Variants in CYP2C19 observed in about 807,000 individuals in gnomAD.
CYP2C19 encodes the protein cytochrome P450 2C19.
Under a neutral mutation model 40.9 loss-of-function variants are expected in CYP2C19, and 59 were observed. The observed-to-expected ratio is 1.44, with a 90% CI of 1.17 to 1.79. The LOEUF (loss-of-function observed/expected upper bound fraction) is 1.79, where lower values mean the gene tolerates loss of function less well. Among genes scored for constraint, CYP2C19 ranks in the 40% most tolerant of loss-of-function variants. CYP2C19 has a pLI of 0.00. For missense variants in CYP2C19, 754 were observed against 596.9 expected (o/e 1.26, Z -2.74); for synonymous variants, 253 against 208.7 (o/e 1.21, Z -1.83).
chr10:94,774,363 G>A (rs1848376129), intron 1 of CYP2C19: 4 of 152,214 alleles, frequency 2.6e-5, no homozygotes, highest in African/African-American at 9.7e-5. Flanking sequence ...AATTGAGCTT[G>A]TTATGATTAT....
chr10:94,788,392 A>G (rs1848569718), intron 5 of CYP2C19, among the ~76,000 whole-genome samples: 1 of 152,000 alleles, frequency 6.6e-6, no homozygotes, highest in African/African-American at 2.4e-5. Context: ...AAGGATGGGT[A>G]TTTTTTAAAA....
intron 5 of CYP2C19, among the ~76,000 whole-genome samples, chr10:94,804,604 T>C (rs1848808804): frequency 6.6e-6 from 1 of 152,176 alleles, no homozygotes; most frequent in Non-Finnish European, 1.5e-5. Flanking sequence ...GTGCTCTCCC[T>C]TGACCTGGGT....
chr10:94,811,875 A>C (rs910766775), intron 5 of CYP2C19, among the ~76,000 whole-genome samples: 5 of 152,042 alleles, frequency 3.3e-5, no homozygotes, highest in African/African-American at 1.2e-4. Flanking sequence ...GCCTGTTTAC[A>C]TTTAAGGTTA....
intron 6 of CYP2C19, among the ~76,000 whole-genome samples, chr10:94,831,648 G>T (rs984444667): frequency 1.3e-5 from 2 of 152,146 alleles, no homozygotes; most frequent in Admixed American, 6.5e-5. Flanking sequence ...TTTCTCTGAT[G>T]ATCAGTGGTG....
At chr10:94,808,875 T>A (rs974521225) in intron 5 of CYP2C19, among the ~76,000 whole-genome samples, 1 of 152,198 alleles carries the variant, frequency 6.6e-6, no homozygotes, top group African/African-American at 2.4e-5. Flanking sequence ...TTAGCTATTA[T>A]AAACAGTGCT....
intron 8 of CYP2C19, 45 bp from the exon 9 acceptor site, chr10:94,852,688 A>C: frequency 6.3e-7 from 1 of 1,592,848 alleles, no homozygotes; most frequent in Non-Finnish European, 8.6e-7. Flanking sequence ...TCACTCTCAC[A>C]GTTACACATG....
intron 5 of CYP2C19, among the ~76,000 whole-genome samples, chr10:94,786,507 A>G (rs947088441): frequency 2.0e-5 from 3 of 152,080 alleles, no homozygotes; most frequent in African/African-American, 7.2e-5. Flanking sequence ...TTAAAATGAT[A>G]CCATATGAAA....
chr10:94,811,421 A>C (rs1848921517), intron 5 of CYP2C19, among the ~76,000 whole-genome samples: 1 of 152,040 alleles, frequency 6.6e-6, no homozygotes, highest in Non-Finnish European at 1.5e-5. Flanking sequence ...GCTTAGTTCA[A>C]GTCCTGGAGA....
At chr10:94,809,516 AT>A (rs1848883242) in intron 5 of CYP2C19, among the ~76,000 whole-genome samples, 1 of 152,086 alleles carries the variant, frequency 6.6e-6, no homozygotes, top group South Asian at 2.1e-4. Context: ...AACAGACAAA[AT>A]TTGATTTTCT....
intron 6 of CYP2C19, among the ~76,000 whole-genome samples, chr10:94,828,884 G>C (rs1849277769): frequency 6.6e-6 from 1 of 152,038 alleles, no homozygotes; most frequent in African/African-American, 2.4e-5. Context: ...CTCAGCATTT[G>C]CTTGTCTGTA....
At chr10:94,816,135 A>T (rs1389447566) in intron 5 of CYP2C19, among the ~76,000 whole-genome samples, 1 of 152,140 alleles carries the variant, frequency 6.6e-6, no homozygotes, top group Admixed American at 6.5e-5. Flanking sequence ...AGCTAACTGC[A>T]GAGTCTGACA....
Position 94,853,129 on chromosome 10 carries a change from A to G in CYP2C19, c.*215A>G, listed in dbSNP as rs1849680506. The G allele has an allele frequency of 3.5e-6, 2 of 564,982 alleles. No homozygotes were observed. The highest frequency in any genetic ancestry group is 3.0e-5 in the East Asian group (1 of 33,492). The allele number at this position is 564,982 out of a possible 1,614,324, so 35.0% of individuals were successfully genotyped here. A position where few individuals can be genotyped will look rare whatever the true frequency, so the allele number is the denominator to read the frequency against. On this transcript the variant is annotated 3_prime_UTR_variant, in exon 9 of 9. Transcript: ENST00000371321. ...CTATAATAGTTACATTGAGTGCCACATAATGCTGATACTTGTCTAATGTTG... is the reference window on the plus strand; with the variant it reads ...CTATAATAGTTACATTGAGTGCCACGTAATGCTGATACTTGTCTAATGTTG...
At chr10:94,770,327 C>T (rs1417935243) in intron 1 of CYP2C19, among the ~76,000 whole-genome samples, 2 of 152,128 alleles carry the variant, frequency 1.3e-5, no homozygotes, top group Non-Finnish European at 2.9e-5. Context: ...GCTTGTTTCT[C>T]ATTGGACAAT....
intron 6 of CYP2C19, among the ~76,000 whole-genome samples, chr10:94,824,872 G>A (rs532000051): frequency 1.4e-5 from 2 of 143,908 alleles, no homozygotes; most frequent in African/African-American, 5.2e-5. Context: ...TGATCTCATT[G>A]TTCAATTCCC....
At chr10:94,774,263 G>A (rs1848374493) in intron 1 of CYP2C19, 1 of 152,088 alleles carries the variant, frequency 6.6e-6, no homozygotes, top group African/African-American at 2.4e-5. Context: ...AACTTCAGGG[G>A]GTTTTAATGA....
At chr10:94,793,455 A>C (rs2134247430) in intron 5 of CYP2C19, among the ~76,000 whole-genome samples, 1 of 152,254 alleles carries the variant, frequency 6.6e-6, no homozygotes, top group East Asian at 1.9e-4. Context: ...TAGAATTTTC[A>C]GATTTTCTGC....
chr10:94,834,944 G>A (rs535653185), intron 6 of CYP2C19, among the ~76,000 whole-genome samples: 5 of 152,254 alleles, frequency 3.3e-5, no homozygotes, highest in East Asian at 3.9e-4. Flanking sequence ...GTTGGCCGAC[G>A]ACTGCTCTAG....
intron 3 of CYP2C19, among the ~76,000 whole-genome samples, chr10:94,779,328 A>C (rs760406583): frequency 1.2e-4 from 19 of 152,146 alleles, no homozygotes; most frequent in Non-Finnish European, 1.9e-4. Flanking sequence ...GATTACAACA[A>C]CTTTATTTCA....
intron 3 of CYP2C19, among the ~76,000 whole-genome samples, chr10:94,778,556 C>G (rs1848440785): frequency 6.6e-6 from 1 of 152,116 alleles, no homozygotes; most frequent in Admixed American, 6.5e-5. Flanking sequence ...AAATCAAAAC[C>G]ACAATGAGGT....
Sources: allele counts gnomAD v4.1 joint callset (sites outside exome capture counted in the v4.1 genomes callset), GRCh38; gene constraint gnomAD v4.1.1; transcripts MANE v1.5; gene names NCBI Gene and HGNC (gene_info 2026-07-23, HGNC 2026-07-21).